The following CHD9 variants were observed in gnomAD, a reference collection of about 807,000 sequenced individuals.
The protein encoded by CHD9 is ATP-dependent chromatin remodeler CHD9.
In CHD9, 77 loss-of-function variants were observed where a neutral mutation model predicts 316.1. The observed-to-expected ratio is 0.24, with a 90% CI of 0.20 to 0.29. The LOEUF is 0.29. CHD9 is among the 10% of genes least tolerant of loss of function. The pLI is 1.00. For missense variants in CHD9, 2,763 were observed against 3,438.1 expected, an observed-to-expected ratio of 0.80 and a Z score of 4.91; for synonymous variants, 1,129 against 1,158.3, an observed-to-expected ratio of 0.97 and a Z score of 0.51.
At chr16:53,209,009 A>G (rs921098222) in intron 2 of CHD9, among the ~76,000 whole-genome samples, 6 of 152,190 alleles carry the variant, frequency 3.9e-5, no homozygotes, top group Admixed American at 3.3e-4. Context: ...TAAATATTAA[A>G]TGATTTCAGG....
At chr16:53,178,338 T>C (rs1045273179) in intron 2 of CHD9, among the ~76,000 whole-genome samples, 7 of 152,090 alleles carry the variant, frequency 4.6e-5, no homozygotes, top group African/African-American at 1.7e-4. Flanking sequence ...ATTTTCTCTC[T>C]ATGGAAATCA....
chr16:53,281,796 C>A (rs2053443208), intron 24 of CHD9, among the ~76,000 whole-genome samples: 1 of 152,264 alleles, frequency 6.6e-6, no homozygotes, highest in East Asian at 1.9e-4. Context: ...ACAGAACCGC[C>A]CCTTCAGATT....
intron 19 of CHD9, among the ~76,000 whole-genome samples, chr16:53,256,706 A>G (rs2050639602): frequency 6.7e-6 from 1 of 150,066 alleles, no homozygotes; most frequent in South Asian, 2.1e-4. Flanking sequence ...TCATCTGAAT[A>G]GTTTATTATT....
chr16:53,265,626 C>G (rs2051587272), intron 20 of CHD9, among the ~76,000 whole-genome samples: 1 of 151,952 alleles, frequency 6.6e-6, no homozygotes, highest in Non-Finnish European at 1.5e-5. Context: ...ATCCTATGCT[C>G]TATACCAAGT....
At chr16:53,081,913 T>C (rs1171292486) in intron 1 of CHD9, among the ~76,000 whole-genome samples, 2 of 152,172 alleles carry the variant, frequency 1.3e-5, no homozygotes, top group African/African-American at 4.8e-5. Context: ...TGAGCCTCAG[T>C]TTTCTCCTCT....
At chr16:53,323,968 T>G (rs1396380766) in intron 38 of CHD9, 52 bp from the exon 39 acceptor site, 3 of 1,424,314 alleles carry the variant, frequency 2.1e-6, no homozygotes, top group Non-Finnish European at 2.9e-6. Context: ...AGCTAATAAC[T>G]CTTTATTTTA....
At chr16:53,173,006 T>C (rs2042877294) in intron 2 of CHD9, among the ~76,000 whole-genome samples, 1 of 152,132 alleles carries the variant, frequency 6.6e-6, no homozygotes, top group African/African-American at 2.4e-5. Flanking sequence ...GTTGATGAAG[T>C]CTAGTTCATT....
At chr16:53,209,187 T>G (rs2046129450) in intron 2 of CHD9, among the ~76,000 whole-genome samples, 1 of 152,208 alleles carries the variant, frequency 6.6e-6, no homozygotes, top group Non-Finnish European at 1.5e-5. Flanking sequence ...GGATAAAATT[T>G]GAATCAACTA....
chr16:53,108,856 T>C (rs1166236515), intron 1 of CHD9, among the ~76,000 whole-genome samples: 3 of 152,104 alleles, frequency 2.0e-5, no homozygotes. Flanking sequence ...ATCGATCCAT[T>C]GCACTCCAGC....
intron 2 of CHD9, among the ~76,000 whole-genome samples, chr16:53,183,224 G>A (rs768095677): frequency 8.2e-4 from 125 of 152,230 alleles, no homozygotes; most frequent in Admixed American, 7.7e-3. Flanking sequence ...AACAAATGTC[G>A]TATTTGTTTC....
chr16:53,263,615 G>A (rs1481281916), intron 20 of CHD9, among the ~76,000 whole-genome samples: 2 of 152,024 alleles, frequency 1.3e-5, no homozygotes, highest in East Asian at 3.9e-4. Flanking sequence ...TCTAATAATT[G>A]TATAGAAATC....
intron 2 of CHD9, among the ~76,000 whole-genome samples, chr16:53,190,578 A>G (rs769016487): frequency 2.0e-5 from 3 of 152,044 alleles, no homozygotes; most frequent in Admixed American, 6.6e-5. Flanking sequence ...ATCTTCCTCC[A>G]TTGAATATCT....
At chr16:53,122,975 C>T (rs2038810837) in intron 1 of CHD9, among the ~76,000 whole-genome samples, 1 of 151,588 alleles carries the variant, frequency 6.6e-6, no homozygotes, top group African/African-American at 2.4e-5. Context: ...CCTCGGCCTC[C>T]CAAAGTGCTG....
At chr16:53,175,897 A>G (rs960030035) in intron 2 of CHD9, among the ~76,000 whole-genome samples, 1 of 152,238 alleles carries the variant, frequency 6.6e-6, no homozygotes, top group Non-Finnish European at 1.5e-5. Flanking sequence ...TGGCTTGCTC[A>G]GAGTCATACA....
In CHD9 at chr16:53,318,066, T is replaced by A. The variant is rs1023686103; in HGVS notation, c.7585-146T>A. The A allele has an allele frequency of 4.0e-5, 24 of 596,898 alleles. No individual in the cohort carries two copies. The African/African-American group carries it at 4.0e-4, about 10-fold the overall frequency. 37.0% of individuals were successfully genotyped at this position (596,898 alleles called of 1,614,324 possible). ...AGCAAGACCCTGTCTCAAAAAAAAA[T>A]AAAATAAAAAAGTTTAGATATTTTT... is the stretch of plus-strand genomic sequence containing the variant. On this transcript the variant is annotated intron_variant, in intron 36 of 38. Coordinates refer to ENST00000447540, the MANE Select transcript of CHD9 (RefSeq NM_001308319.2).
rs2039033631 is a variant in CHD9 at position 53,127,746 on chromosome 16, C to A, written c.-164-28180C>A. Among the ~76,000 whole-genome samples, 4 of 152,078 alleles carry A rather than the reference C, an allele frequency of 2.6e-5. No individual in the cohort carries two copies. The South Asian group carries it at 8.3e-4, about 32-fold the overall frequency. The stretch of plus-strand genomic sequence containing the variant: ...GACCAGCCTGGCCAACATGGTGAAA[C>A]CCCGTCTCTGCTAAAAATACAAAAA... On this transcript the variant is annotated intron_variant, in intron 1 of 38. Coordinates refer to ENST00000447540, the MANE Select transcript of CHD9 (RefSeq NM_001308319.2).
intron 11 of CHD9, 68 bp downstream of exon 11, chr16:53,235,374 A>G: frequency 2.7e-6 from 3 of 1,123,880 alleles, no homozygotes; most frequent in Non-Finnish European, 3.8e-6. Flanking sequence ...CAAGTAAAAT[A>G]GATACTGTTG....
chr16:53,109,671 C>A, intron 1 of CHD9, among the ~76,000 whole-genome samples: 1 of 111,046 alleles, frequency 9.0e-6, no homozygotes, highest in East Asian at 2.7e-4. Context: ...TTTGGATTCC[C>A]AGTTTCTTTT....
chr16:53,147,700 T>A (rs2152726450), intron 1 of CHD9, among the ~76,000 whole-genome samples: 1 of 152,336 alleles, frequency 6.6e-6, no homozygotes, highest in African/African-American at 2.4e-5. Flanking sequence ...TATTACTTTT[T>A]ATGACTGAGT....
Sources: gnomAD v4.1 joint callset for allele counts (sites outside exome capture counted in the v4.1 genomes callset) on GRCh38, gnomAD v4.1.1 for gene constraint, MANE v1.5 for transcripts, NCBI Gene and HGNC (gene_info 2026-07-23, HGNC 2026-07-21) for gene names.